NBEA: variants seen among roughly 807,000 people sequenced by gnomAD.
NBEA encodes the protein lysosomal-trafficking regulator 2.
In NBEA, 44 loss-of-function variants were observed where a neutral mutation model predicts 343.4. The ratio of observed to expected loss-of-function variants is 0.13; its 90% CI spans 0.10 to 0.16. The LOEUF is 0.16. NBEA is among the 10% of genes least tolerant of loss of function. The pLI, the probability that NBEA is intolerant of heterozygous loss-of-function variation, is 1.00. For missense variants in NBEA, 2,555 were observed against 3,631.3 expected (o/e 0.70, Z 7.62); for synonymous variants, 1,175 against 1,238.7 (o/e 0.95, Z 1.08).
chr13:35,286,886 GT>G (rs943414481), intron 34 of NBEA, among the ~76,000 whole-genome samples: 1 of 151,906 alleles, frequency 6.6e-6, no homozygotes, highest in South Asian at 2.1e-4. Flanking sequence ...AGAACTGCCA[GT>G]TTTTTTGGAT....
At chr13:35,610,824 A>G (rs1331313093) in intron 48 of NBEA, among the ~76,000 whole-genome samples, 1 of 152,136 alleles carries the variant, frequency 6.6e-6, no homozygotes, top group Non-Finnish European at 1.5e-5. Flanking sequence ...TAAAATATAT[A>G]AAGAGCACTC....
intron 35 of NBEA, among the ~76,000 whole-genome samples, chr13:35,308,297 T>C (rs80064783): frequency 0.02 from 3,053 of 150,702 alleles, 131 homozygotes; most frequent in East Asian, 0.16. Flanking sequence ...AGAAAAATCA[T>C]AGGGGGAAAA....
rs566454900 is a variant in NBEA, at chr13:35,515,609, G to A, written c.6586-34868G>A. Among the ~76,000 whole-genome samples, 7 of 152,074 alleles carry A rather than the reference G, an allele frequency of 4.6e-5. No homozygotes were observed. In the South Asian group the frequency reaches 6.2e-4, roughly 13 times the overall value. ...TGCTATTTTCAATTTAGAGAATCAC[G>A]TTCTGTGATGAAACATTTCAAAATC... On this transcript the variant is annotated intron_variant, in intron 41 of 58. Transcript: ENST00000379939.
At chr13:35,067,369 C>CG (rs2063692495) in intron 8 of NBEA, among the ~76,000 whole-genome samples, 1 of 151,672 alleles carries the variant, frequency 6.6e-6, no homozygotes, top group African/African-American at 2.4e-5. Context: ...TCATACTCTA[C>CG]TTATTTGAGT....
In NBEA at chr13:35,646,284, T is replaced by C. The variant is rs747379629; in HGVS notation, c.7706T>C (p.Phe2569Ser). The change falls in exon 51 of 59, where the codon TTT becomes TCT. Residue 2569 changes from phenylalanine to serine, a missense_variant. By Grantham distance (155) the Phe-to-Ser change is radical (BLOSUM62 -2). Transcript: ENST00000379939. ...IKAMEAQIQN[F>S]GQTPSQLLIE... ...GCCATGGAGGCACAGATACAGAACT[T>C]TGGACAGACGCCATCTCAGTTGCTT... is the stretch of plus-strand genomic sequence containing the variant. The C allele has an allele frequency of 1.5e-5, 24 of 1,613,544 alleles. No homozygotes were observed. Among genetic ancestry groups the C allele is most frequent in the East Asian group, 2.2e-5 (1 of 44,896 alleles).
chr13:35,520,579 G>A (rs9544534), intron 41 of NBEA, among the ~76,000 whole-genome samples: 25,507 of 152,054 alleles, frequency 0.17, 2,346 homozygotes, highest in East Asian at 0.43. Context: ...TGCCAAGGAC[G>A]TCATGCCACA....
chr13:35,246,470 C>T (rs375253122), intron 34 of NBEA, among the ~76,000 whole-genome samples: 17 of 152,116 alleles, frequency 1.1e-4, no homozygotes, highest in Non-Finnish European at 1.0e-4. Flanking sequence ...TTTTGTTCCA[C>T]GCGGTGCTCC....
chr13:35,006,749 C>T (rs1211360911), intron 1 of NBEA, among the ~76,000 whole-genome samples: 1 of 151,934 alleles, frequency 6.6e-6, no homozygotes, highest in Non-Finnish European at 1.5e-5. Flanking sequence ...ATTTTCTTTC[C>T]TAGGTTTTTA....
At chr13:35,271,659 A>G (rs531659358) in intron 34 of NBEA, among the ~76,000 whole-genome samples, 2 of 152,326 alleles carry the variant, frequency 1.3e-5, no homozygotes, top group Admixed American at 1.3e-4. Context: ...AGAAGAGCTT[A>G]AGTGACCTGA....
chr13:35,289,624 T>A (rs1346769742), intron 34 of NBEA, among the ~76,000 whole-genome samples: 1 of 151,912 alleles, frequency 6.6e-6, no homozygotes, highest in African/African-American at 2.4e-5. Context: ...TATACGTTCT[T>A]AACCTGTAGA....
chr13:35,043,584 A>C (rs976925460), intron 2 of NBEA, among the ~76,000 whole-genome samples: 1 of 151,856 alleles, frequency 6.6e-6, no homozygotes, highest in South Asian at 2.1e-4. Context: ...ATTTTAATAC[A>C]TTTTTGTTGC....
chr13:35,574,703 T>C (rs957749015), intron 45 of NBEA, among the ~76,000 whole-genome samples: 22 of 151,932 alleles, frequency 1.4e-4, no homozygotes, highest in Middle Eastern at 3.4e-3. Flanking sequence ...CTGAGCAACA[T>C]AGCCAAACCC....
intron 34 of NBEA, among the ~76,000 whole-genome samples, chr13:35,258,947 T>A (rs2032940507): frequency 6.6e-6 from 1 of 152,148 alleles, no homozygotes; most frequent in Admixed American, 6.5e-5. Flanking sequence ...GTTCTGAGCA[T>A]GTTTGAGGTA....
At chr13:35,075,328 T>C (rs2064065907) in intron 10 of NBEA, among the ~76,000 whole-genome samples, 1 of 152,156 alleles carries the variant, frequency 6.6e-6, no homozygotes, top group Non-Finnish European at 1.5e-5. Context: ...TCTTTTTACT[T>C]TCTTCCGTGA....
intron 1 of NBEA, among the ~76,000 whole-genome samples, chr13:34,982,809 A>G (rs1320414611): frequency 6.6e-6 from 1 of 152,106 alleles, no homozygotes; most frequent in Admixed American, 6.5e-5. Context: ...AGTGTTGTTC[A>G]TATATTTTAT....
chr13:34,973,679 C>G (rs1351710617), intron 1 of NBEA, among the ~76,000 whole-genome samples: 1 of 152,110 alleles, frequency 6.6e-6, no homozygotes, highest in Non-Finnish European at 1.5e-5. Context: ...ATGGTGGCCT[C>G]TACTCCCCAC....
intron 35 of NBEA, among the ~76,000 whole-genome samples, chr13:35,296,480 C>T (rs1472217361): frequency 6.6e-6 from 1 of 151,426 alleles, no homozygotes; most frequent in East Asian, 1.9e-4. Flanking sequence ...AAATCAATAA[C>T]CCTAGGCCAT....
chr13:35,380,206 A>G lies in NBEA; in HGVS notation c.6179+27883A>G, dbSNP rs549605120. Among the ~76,000 whole-genome samples the G allele has an allele frequency of 7.6e-3, 765 of 101,044 alleles. 2 individuals are homozygous for G. Among genetic ancestry groups the G allele is most frequent in the Non-Finnish European group, 0.014 (589 of 41,756 alleles). 66.3% of individuals were successfully genotyped at this position (101,044 alleles called of 152,430 possible). On this transcript the variant is annotated intron_variant, in intron 38 of 58. Coordinates refer to ENST00000379939, the MANE Select transcript of NBEA (RefSeq NM_001385012.1). ...ACACCTGTAATCCCAGCACTTTGGA[A>G]GGCTGAGGCAGGTGAATCACCTGAG...
chr13:34,942,845 G>A lies in NBEA; in HGVS notation c.25G>A (p.Gly9Ser). The change falls in exon 1 of 59, where the codon GGC becomes AGC. Residue 9 changes from glycine to serine, a missense_variant. Coordinates refer to ENST00000379939, the MANE Select transcript of NBEA (RefSeq NM_001385012.1). MASEKPGP[G>S]PGLEPQPVGL... ...AATGGCTAGCGAGAAGCCGGGCCCG[G>A]GCCCGGGGCTCGAGCCTCAGCCCGT... 7.3e-7 allele frequency: 1 copy of A among 1,369,390 alleles called. No individual in the cohort carries two copies. Among genetic ancestry groups the A allele is most frequent in the Non-Finnish European group, 9.4e-7 (1 of 1,058,878 alleles). 84.8% of individuals were successfully genotyped at this position (1,369,390 alleles called of 1,614,324 possible).
Sources: allele counts gnomAD v4.1 joint callset (sites outside exome capture counted in the v4.1 genomes callset), GRCh38; gene constraint gnomAD v4.1.1; transcripts MANE v1.5; gene names NCBI Gene and HGNC (gene_info 2026-07-23, HGNC 2026-07-21).